Variants in NRXN1 observed in about 807,000 individuals in gnomAD.
NRXN1 encodes the protein neurexin 1.
Under a neutral mutation model 150.9 loss-of-function variants are expected in NRXN1, and 39 were observed. The observed-to-expected ratio is 0.26, with a 90% CI of 0.20 to 0.34. The LOEUF is 0.34. NRXN1 is among the 10% of genes least tolerant of loss of function. The pLI is 1.00. For missense variants in NRXN1, 1,815 were observed against 1,949.9 expected, an observed-to-expected ratio of 0.93 and a Z score of 1.30; for synonymous variants, 924 against 757.0, an observed-to-expected ratio of 1.22 and a Z score of -3.62.
intron 19 of NRXN1, among the ~76,000 whole-genome samples, chr2:50,085,802 C>A (rs1698700052): frequency 3.3e-5 from 5 of 152,018 alleles, no homozygotes; most frequent in Admixed American, 3.3e-4. Flanking sequence ...AAATAGCAGA[C>A]TGTGACATCG....
intron 17 of NRXN1, among the ~76,000 whole-genome samples, chr2:50,240,750 G>A (rs1290537009): frequency 6.6e-6 from 1 of 151,386 alleles, no homozygotes; most frequent in Admixed American, 6.6e-5. Context: ...AAAAAGATGG[G>A]GATAGCAACA....
In NRXN1 at chr2:50,068,002, G is replaced by A. The variant is rs544986228; in HGVS notation, c.3719-12958C>T. ...CTTCTTAATATTCAAATTGGTCCACGGAAAAAAAGATAGGTGAATGTTTCA... is the reference window on the plus strand; with the variant it reads ...CTTCTTAATATTCAAATTGGTCCACAGAAAAAAAGATAGGTGAATGTTTCA... On this transcript the variant is annotated intron_variant, in intron 19 of 22. Transcript: ENST00000401669. Among the ~76,000 whole-genome samples the A allele has an allele frequency of 5.3e-5, 8 of 152,024 alleles. No individual in the cohort carries two copies. The East Asian group carries it at 7.7e-4, about 15-fold the overall frequency.
chr2:50,942,705 C>T (rs1219386613), intron 2 of NRXN1, among the ~76,000 whole-genome samples: 2 of 152,158 alleles, frequency 1.3e-5, no homozygotes, highest in African/African-American at 4.8e-5. Context: ...GCCTAAACTT[C>T]CATTGTATCT....
At chr2:50,434,672 T>TA (rs144239383) in intron 17 of NRXN1, among the ~76,000 whole-genome samples, 1 of 152,082 alleles carries the variant, frequency 6.6e-6, no homozygotes, top group Non-Finnish European at 1.5e-5. Context: ...AACAATTTTT[T>TA]AAAAAAAATT....
intron 5 of NRXN1, among the ~76,000 whole-genome samples, chr2:50,736,721 C>A (rs1272461100): frequency 1.3e-5 from 2 of 152,132 alleles, no homozygotes; most frequent in East Asian, 3.9e-4. Flanking sequence ...TGAGGCCTCT[C>A]CAGACATGTG....
chr2:50,666,424 G>A (rs935378754), intron 5 of NRXN1, among the ~76,000 whole-genome samples: 2 of 151,754 alleles, frequency 1.3e-5, no homozygotes, highest in Non-Finnish European at 2.9e-5. Context: ...TAGATTATAG[G>A]GTAGGTATAT....
intron 17 of NRXN1, among the ~76,000 whole-genome samples, chr2:50,344,138 TTTC>T (rs1244569368): frequency 6.6e-6 from 1 of 152,130 alleles, no homozygotes; most frequent in African/African-American, 2.4e-5. Flanking sequence ...ACATCACCTC[TTTC>T]TTATTAGGTT....
chr2:50,490,951 T>TA (rs549053650), intron 15 of NRXN1, among the ~76,000 whole-genome samples: 11 of 147,128 alleles, frequency 7.5e-5, no homozygotes, highest in Admixed American at 2.0e-4. Flanking sequence ...TTATATAGAC[T>TA]AAAAAAAAAA....
intron 5 of NRXN1, among the ~76,000 whole-genome samples, chr2:50,778,795 G>A (rs1703985085): frequency 6.6e-6 from 1 of 152,132 alleles, no homozygotes; most frequent in South Asian, 2.1e-4. Context: ...TGTTACAAAG[G>A]TGACATGAAT....
chr2:50,468,139 A>G (rs2089100685), intron 16 of NRXN1, among the ~76,000 whole-genome samples: 1 of 151,692 alleles, frequency 6.6e-6, no homozygotes, highest in South Asian at 2.1e-4. Context: ...TGCACAGCAG[A>G]AGAAAAGGTC....
At chr2:50,624,436 T>A (rs1680624846) in intron 5 of NRXN1, among the ~76,000 whole-genome samples, 1 of 152,064 alleles carries the variant, frequency 6.6e-6, no homozygotes, top group Non-Finnish European at 1.5e-5. Context: ...ATTCTCTCCA[T>A]CCAACTGAGG....
At chr2:50,354,586 T>TATATATATACACAC (rs1273118975) in intron 17 of NRXN1, among the ~76,000 whole-genome samples, 1 of 124,844 alleles carries the variant, frequency 8.0e-6, no homozygotes, top group African/African-American at 2.9e-5. Flanking sequence ...TATATATATA[T>TATATATATACACAC]ACACACACAC....
intron 17 of NRXN1, among the ~76,000 whole-genome samples, chr2:50,339,621 T>G (rs2077420012): frequency 1.3e-5 from 2 of 152,226 alleles, no homozygotes; most frequent in South Asian, 4.1e-4. Flanking sequence ...AAAGGAAGTC[T>G]GTACAGGAAT....
chr2:50,573,903 A>G (rs1573604785), intron 8 of NRXN1, among the ~76,000 whole-genome samples: 1 of 152,244 alleles, frequency 6.6e-6, no homozygotes. Flanking sequence ...ATATGAAAAT[A>G]CTACACCTAT....
chr2:50,591,829 A>G (rs1050033041), intron 8 of NRXN1, among the ~76,000 whole-genome samples: 2 of 152,216 alleles, frequency 1.3e-5, no homozygotes, highest in Non-Finnish European at 2.9e-5. Flanking sequence ...GGCGCCCTTC[A>G]GCGAAGATTT....
chr2:50,000,175 A>C (rs952777917), intron 21 of NRXN1, among the ~76,000 whole-genome samples: 1 of 152,176 alleles, frequency 6.6e-6, no homozygotes, highest in Admixed American at 6.5e-5. Flanking sequence ...AGTGCAAGCT[A>C]TAGAAACAGT....
At chr2:50,918,634 C>T (rs1685558880) in intron 5 of NRXN1, 1 of 369,572 alleles carries the variant, frequency 2.7e-6, no homozygotes, top group Non-Finnish European at 4.9e-6. Flanking sequence ...TCTGATAAGC[C>T]ATTAAAGTAA....
chr2:50,979,913 C>T (rs1240636638), intron 2 of NRXN1, among the ~76,000 whole-genome samples: 3 of 152,042 alleles, frequency 2.0e-5, no homozygotes, highest in African/African-American at 4.8e-5. Flanking sequence ...CAAAAGTTGT[C>T]CCATGATTAG....
At chr2:50,016,765 G>T (rs1013299462) in intron 21 of NRXN1, among the ~76,000 whole-genome samples, 3 of 152,050 alleles carry the variant, frequency 2.0e-5, no homozygotes, top group Admixed American at 6.5e-5. Context: ...TAATCAGAGC[G>T]CAGACACACA....
Sources: gnomAD v4.1 joint callset for allele counts (sites outside exome capture counted in the v4.1 genomes callset) on GRCh38, gnomAD v4.1.1 for gene constraint, MANE v1.5 for transcripts, NCBI Gene and HGNC (gene_info 2026-07-23, HGNC 2026-07-21) for gene names.